The following SCP2 variants were observed in gnomAD, a reference collection of about 807,000 sequenced individuals.
The protein encoded by SCP2 is SCP-2/3-oxoacyl-CoA thiolase.
SCP2 carries 48 observed loss-of-function variants against 71.4 expected under a neutral mutation model. That is an observed-to-expected ratio of 0.67 (90% CI 0.53 to 0.86). The LOEUF (loss-of-function observed/expected upper bound fraction) is 0.86. Among genes scored for constraint, SCP2 ranks in the 40% least tolerant of loss-of-function variants. The pLI is 0.00. For missense variants in SCP2, 560 were observed against 655.6 expected, an observed-to-expected ratio of 0.85 and a Z score of 1.59; for synonymous variants, 220 against 218.1, an observed-to-expected ratio of 1.01 and a Z score of -0.08.
chr1:52,954,621 A>T, intron 4 of SCP2, 119 bp from the exon 5 acceptor site: 1 of 841,684 alleles, frequency 1.2e-6, no homozygotes, highest in South Asian at 1.4e-5. Context: ...AACTGATGGG[A>T]CTATAAGTTC....
At chr1:53,001,421 AC>A (rs1405769036) in intron 11 of SCP2, among the ~76,000 whole-genome samples, 1 of 152,214 alleles carries the variant, frequency 6.6e-6, no homozygotes, top group Non-Finnish European at 1.5e-5. Context: ...GTTTGCTTTT[AC>A]CAAACAGGTT....
At chr1:53,042,519 A>T (rs1233974753) in intron 14 of SCP2, among the ~76,000 whole-genome samples, 1 of 152,154 alleles carries the variant, frequency 6.6e-6, no homozygotes, top group Admixed American at 6.5e-5. Context: ...ACCCCAAGGG[A>T]TCTTACCCTG....
At chr1:53,023,476 G>T (rs1661893725) in intron 12 of SCP2, among the ~76,000 whole-genome samples, 1 of 152,186 alleles carries the variant, frequency 6.6e-6, no homozygotes, top group Non-Finnish European at 1.5e-5. Context: ...AGGCAAGGGA[G>T]AATTCAGGGT....
chr1:52,982,227 C>T (rs1289910148), intron 10 of SCP2, among the ~76,000 whole-genome samples: 1 of 152,132 alleles, frequency 6.6e-6, no homozygotes, highest in East Asian at 1.9e-4. Context: ...ACAGTTGTAA[C>T]AACCATAAAA....
intron 2 of SCP2, among the ~76,000 whole-genome samples, chr1:52,942,154 T>A (rs1361494037): frequency 6.6e-6 from 1 of 152,204 alleles, no homozygotes; most frequent in Non-Finnish European, 1.5e-5. Flanking sequence ...CATTCTAGTG[T>A]GTGTTAACTT....
At chr1:53,025,448 C>T (rs1662056773) in intron 12 of SCP2, among the ~76,000 whole-genome samples, 1 of 152,186 alleles carries the variant, frequency 6.6e-6, no homozygotes, top group Non-Finnish European at 1.5e-5. Context: ...ATATCCATGG[C>T]TTTCTTGTTT....
At chr1:52,971,211 C>T (rs1013950680) in intron 6 of SCP2, among the ~76,000 whole-genome samples, 30 of 152,170 alleles carry the variant, frequency 2.0e-4, no homozygotes, top group African/African-American at 7.0e-4. Context: ...ATCCCGACCT[C>T]GTGATCCACC....
At chr1:52,934,346 A>C (rs559575103) in intron 1 of SCP2, among the ~76,000 whole-genome samples, 1 of 152,086 alleles carries the variant, frequency 6.6e-6, no homozygotes, top group African/African-American at 2.4e-5. Flanking sequence ...CGGGACAGGT[A>C]ATATTAACAA....
chr1:53,029,679 A>AACTGATG, intron 13 of SCP2, among the ~76,000 whole-genome samples: 1 of 152,310 alleles, frequency 6.6e-6, no homozygotes, highest in Non-Finnish European at 1.5e-5. Context: ...CAGGTGATAT[A>AACTGATG]ACTGATGTGT....
At chr1:52,962,870 CAT>C (rs1458501170) in intron 6 of SCP2, among the ~76,000 whole-genome samples, 1 of 151,734 alleles carries the variant, frequency 6.6e-6, no homozygotes, top group African/African-American at 2.4e-5. Flanking sequence ...CTGACACATA[CAT>C]ATATGTCAGA....
intron 9 of SCP2, among the ~76,000 whole-genome samples, chr1:52,979,932 C>T (rs1228679387): frequency 1.3e-5 from 2 of 151,038 alleles, no homozygotes; most frequent in Non-Finnish European, 3.0e-5. Context: ...TTCCCTTTCC[C>T]TTTCCTCTCT....
At chr1:52,993,906 A>G in intron 11 of SCP2, 1 of 1,422,208 alleles carries the variant, frequency 7.0e-7, no homozygotes, top group Non-Finnish European at 9.2e-7. Context: ...CACCACTGCA[A>G]ATCTTCAGCC....
chr1:53,038,248 G>A (rs200831374), intron 13 of SCP2, among the ~76,000 whole-genome samples: 14,782 of 149,928 alleles, frequency 0.099, 1,423 homozygotes, highest in African/African-American at 0.22. Flanking sequence ...TTATATATGT[G>A]TGTGTACACA....
At chr1:53,004,932 G>A (rs1273235537) in intron 11 of SCP2, among the ~76,000 whole-genome samples, 2 of 152,188 alleles carry the variant, frequency 1.3e-5, no homozygotes, top group South Asian at 2.1e-4. Flanking sequence ...CCCTAATACT[G>A]CGCTTTTCCA....
intron 5 of SCP2, among the ~76,000 whole-genome samples, chr1:52,960,476 GTA>G (rs1410619162): frequency 7.8e-6 from 1 of 128,398 alleles, no homozygotes; most frequent in African/African-American, 3.1e-5. Flanking sequence ...TGGCTACTAT[GTA>G]TATGTGTGTG....
intron 11 of SCP2, among the ~76,000 whole-genome samples, chr1:53,011,625 T>C (rs1660993414): frequency 6.6e-6 from 1 of 152,236 alleles, no homozygotes; most frequent in African/African-American, 2.4e-5. Context: ...ACAGGTGGCT[T>C]GGACTTGCAT....
At chr1:52,933,987 C>G (rs1653413969) in intron 1 of SCP2, among the ~76,000 whole-genome samples, 1 of 152,192 alleles carries the variant, frequency 6.6e-6, no homozygotes, top group African/African-American at 2.4e-5. Context: ...AAAAGAAAAG[C>G]ACTAATTTTC....
chr1:53,026,721 T>G (rs1662155623), intron 12 of SCP2, among the ~76,000 whole-genome samples: 1 of 151,956 alleles, frequency 6.6e-6, no homozygotes, highest in Non-Finnish European at 1.5e-5. Context: ...TGAGGCAAGA[T>G]TGCCTGAGAC....
In SCP2 at chr1:52,948,956, T is replaced by G. The variant is rs550019701; in HGVS notation, c.199+876T>G. 5.7e-3 allele frequency among the ~76,000 whole-genome samples: 862 copies of G among 151,872 alleles called. 8 individuals are homozygous for G. Among genetic ancestry groups the G allele is most frequent in the African/African-American group, 0.019 (768 of 41,488 alleles). ...CCCCAACCCCAACAACATTTTTTTTTTTTTGTTTTTGGCAAAGGGGTAAGG... is the reference window on the plus strand; with the variant it reads ...CCCCAACCCCAACAACATTTTTTTTGTTTTGTTTTTGGCAAAGGGGTAAGG... On this transcript the variant is annotated intron_variant, in intron 3 of 15. Coordinates refer to ENST00000371514, the MANE Select transcript of SCP2 (RefSeq NM_002979.5).
Sources: allele counts gnomAD v4.1 joint callset (sites outside exome capture counted in the v4.1 genomes callset), GRCh38; gene constraint gnomAD v4.1.1; transcripts MANE v1.5; gene names NCBI Gene and HGNC (gene_info 2026-07-23, HGNC 2026-07-21).